The following PLCB3 variants were observed in gnomAD, a reference collection of about 807,000 sequenced individuals.
The protein encoded by PLCB3 is 1-phosphatidylinositol 4,5-bisphosphate phosphodiesterase beta-3.
A neutral mutation model predicts 152.1 loss-of-function variants in PLCB3; 54 were observed. The observed-to-expected ratio is 0.36, with a 90% CI of 0.29 to 0.45. The LOEUF is 0.45. Ranked by LOEUF, PLCB3 falls within the 20% of genes least tolerant of loss-of-function variation. The pLI, the probability that PLCB3 is intolerant of heterozygous loss-of-function variation, is 1.00. For missense variants in PLCB3, 1,248 were observed against 1,687.5 expected, an observed-to-expected ratio of 0.74 and a Z score of 4.56; for synonymous variants, 717 against 698.7, an observed-to-expected ratio of 1.03 and a Z score of -0.41.
In PLCB3 at chr11:64,254,895, C is replaced by T; in HGVS notation, c.247-3C>T. 1 of 1,609,200 alleles carries T rather than the reference C, an allele frequency of 6.2e-7. No individual in the cohort carries two copies. The highest frequency in any genetic ancestry group is 8.5e-7 in the Non-Finnish European group (1 of 1,176,766). On this transcript the variant is annotated splice_region_variant and splice_polypyrimidine_tract_variant and intron_variant, in intron 3 of 30. Transcript: ENST00000279230. ...TCTTCACCCTTCGCTGTCACCTACTCAGGACCCCAAGATCCGGGAAGTTCT... is the reference window on the plus strand; with the variant it reads ...TCTTCACCCTTCGCTGTCACCTACTTAGGACCCCAAGATCCGGGAAGTTCT...
At chr11:64,257,343 G>A (rs1029035699) in intron 10 of PLCB3, among the ~76,000 whole-genome samples, 3 of 152,216 alleles carry the variant, frequency 2.0e-5, no homozygotes, top group African/African-American at 2.4e-5. Context: ...GGTTGGGTGC[G>A]GTGACTCATG....
Position 64,267,577 on chromosome 11 carries a change from ACAGGGC to A in PLCB3, c.*28_*33del. The A allele has an allele frequency of 6.5e-7, 1 of 1,543,688 alleles. No homozygotes were observed. Among genetic ancestry groups the A allele is most frequent in the Non-Finnish European group, 8.7e-7 (1 of 1,148,170 alleles). ...TCTGAACTGGCTGAGCGAGGTGGCC[ACAGGGC>A]CAGGGCGGGCGCTGGGTGGAGGGCA... On this transcript the variant is annotated 3_prime_UTR_variant, in exon 31 of 31. Transcript: ENST00000279230. This position sits in a 1 kb window ranked among gnomAD's most constrained non-coding sequence, Gnocchi z 5.2.
chr11:64,252,059 C>T (rs2031237265), intron 1 of PLCB3, among the ~76,000 whole-genome samples: 1 of 152,110 alleles, frequency 6.6e-6, no homozygotes, highest in Non-Finnish European at 1.5e-5. Flanking sequence ...TTCTCGTTCC[C>T]CGATCCTGGC....
At chr11:64,257,827 G>A (rs2031619134) in intron 10 of PLCB3, among the ~76,000 whole-genome samples, 1 of 151,886 alleles carries the variant, frequency 6.6e-6, no homozygotes, top group African/African-American at 2.4e-5. Context: ...GATATGATAT[G>A]TTTTTAGAAG....
chr11:64,266,394 A>G lies in PLCB3; in HGVS notation c.3346A>G (p.Lys1116Glu). Residue 1116 changes from lysine (K) to glutamate (E), a missense_variant, in exon 28 of 31, where the codon AAG (lysine) becomes GAG (glutamate). Around this residue, in one of 6 missense-constraint regions of PLCB3, gnomAD observed 477 missense variants for 489.6 expected, o/e 0.97. Transcript: ENST00000279230. The surrounding 1 kb of genome is among the most constrained non-coding windows in gnomAD (Gnocchi z 4.9). ...GGAGGCCAAGATGAGGGACAAGCAT[A>G]AGAAGGAGGCGTAAGGGCACCGGGA... is the stretch of plus-strand genomic sequence containing the variant. ...ISEAKMRDKH[K>E]KEAELTEINR... 2.5e-6 allele frequency: 4 copies of G among 1,607,312 alleles called. No individual in the cohort carries two copies. The highest frequency in any genetic ancestry group is 3.4e-6 in the Non-Finnish European group (4 of 1,174,138).
In PLCB3 at chr11:64,267,745, A is replaced by AGGTTAGGGCCTT; in HGVS notation, c.*193_*204dup. 4 of 577,846 alleles carry AGGTTAGGGCCTT rather than the reference A, an allele frequency of 6.9e-6. No individual in the cohort carries two copies. Among genetic ancestry groups the AGGTTAGGGCCTT allele is most frequent in the Non-Finnish European group, 1.2e-5 (4 of 331,884 alleles). 35.8% of individuals were successfully genotyped at this position (577,846 alleles called of 1,614,324 possible). On this transcript the variant is annotated 3_prime_UTR_variant, in exon 31 of 31. Coordinates refer to ENST00000279230, the MANE Select transcript of PLCB3 (RefSeq NM_000932.5). This position sits in a 1 kb window ranked among gnomAD's most constrained non-coding sequence, Gnocchi z 5.2. ...GCCCCTCCTTCCTGCCCTCAGTCTT[A>AGGTTAGGGCCTT]GGTTAGGGCCTTGGTCAGGGCTTTG... is the stretch of plus-strand genomic sequence containing the variant.
chr11:64,254,547 C>T lies in PLCB3; in HGVS notation c.177+55C>T, dbSNP rs2031414527. ...AGGCCAAGGACCCCTGTCCCAGACC[C>T]CTGCCCTGCCCGTGGGGGTGGGGCC... On this transcript the variant is annotated intron_variant, in intron 2 of 30. Transcript: ENST00000279230. 7.7e-6 allele frequency: 12 copies of T among 1,552,230 alleles called. No individual in the cohort carries two copies. The South Asian group carries it at 1.1e-4, about 14-fold the overall frequency.
At chr11:64,261,866 G>C (rs2031869097) in intron 16 of PLCB3, 86 bp from the exon 17 acceptor site, 1 of 1,573,406 alleles carries the variant, frequency 6.4e-7, no homozygotes, top group African/African-American at 1.3e-5. Context: ...GGGTGTGGGG[G>C]TCACAGGAGC....
intron 1 of PLCB3, 90 bp from the exon 2 acceptor site, chr11:64,254,325 A>G (rs1467554659): frequency 1.9e-6 from 2 of 1,039,414 alleles, no homozygotes; most frequent in Non-Finnish European, 3.0e-6. Context: ...ATGGGCAGGA[A>G]CTCTGGGGTG....
Position 64,266,657 on chromosome 11 carries a change from AG to A in PLCB3, c.3414+108del, listed in dbSNP as rs1222317239. The A allele has an allele frequency of 8.9e-7, 1 of 1,124,170 alleles. No individual in the cohort carries two copies. Among genetic ancestry groups the A allele is most frequent in the Non-Finnish European group, 1.3e-6 (1 of 746,590 alleles). 69.6% of individuals were successfully genotyped at this position (1,124,170 alleles called of 1,614,324 possible). Reference sequence around the variant, plus strand: ...GCCACGTTGCCCTCAAGGTTCTTCTAGGGCCTTTCTCAAGTGCCCAACAGCC... The same window carrying A: ...GCCACGTTGCCCTCAAGGTTCTTCTAGGCCTTTCTCAAGTGCCCAACAGCC... On this transcript the variant is annotated intron_variant, in intron 29 of 30. Transcript: ENST00000279230. The surrounding 1 kb of genome is among the most constrained non-coding windows in gnomAD (Gnocchi z 4.9).
chr11:64,261,271 C>G, intron 14 of PLCB3, 129 bp from the exon 15 acceptor site: 1 of 728,194 alleles, frequency 1.4e-6, no homozygotes, highest in South Asian at 1.5e-5. Context: ...GGGGAGAAGA[C>G]TGTCGGCACC....
In PLCB3 at chr11:64,263,692, A is replaced by G. The variant is rs367714138; in HGVS notation, c.2457A>G (p.Gly819=). Residue 819 remains glycine, a splice_region_variant and synonymous_variant, in exon 21 of 31, where the codon GGA becomes GGG. Transcript: ENST00000279230. ...AACGTTGCCTTCCTGACCACCCAGG[A>G]TACCACTACGTCTGCCTGCGGAACG... The part of the protein sequence containing the change: ...RILPVSAIRS[G]YHYVCLRNEA... The G allele has an allele frequency of 1.7e-5, 27 of 1,613,246 alleles. No homozygotes were observed. Among genetic ancestry groups the G allele is most frequent in the Non-Finnish European group, 2.0e-5 (24 of 1,179,794 alleles).
intron 10 of PLCB3, among the ~76,000 whole-genome samples, chr11:64,257,016 T>TTTTTTGTTTTTTTTTTTTTTTTTTTTTTC (rs2031574155): frequency 8.3e-6 from 1 of 120,590 alleles, no homozygotes; most frequent in Non-Finnish European, 1.8e-5. Flanking sequence ...TTTTTTTTTT[T>TTTTTTGTTTTTTTTTTTTTTTTTTTTTTC]TTTTTGAGAC....
intron 1 of PLCB3, among the ~76,000 whole-genome samples, chr11:64,252,994 G>GC (rs1426592046): frequency 6.6e-6 from 1 of 152,234 alleles, no homozygotes; most frequent in Admixed American, 6.5e-5. Flanking sequence ...CCGGAGAAGT[G>GC]CTGGGGCTGG....
In PLCB3 at chr11:64,255,955, G is replaced by A. The variant is rs1194571594; in HGVS notation, c.698+134G>A. On this transcript the variant is annotated intron_variant, in intron 8 of 30. Transcript: ENST00000279230. The surrounding 1 kb of genome is among the most constrained non-coding windows in gnomAD (Gnocchi z 6.8). ...GCGCCAGGGGGCGGAGGGGTGCCCAGGGAGAACCTGTCGGTGATGTTCCTG... is the reference window on the plus strand; with the variant it reads ...GCGCCAGGGGGCGGAGGGGTGCCCAAGGAGAACCTGTCGGTGATGTTCCTG... 2.9e-6 allele frequency: 2 copies of A among 687,230 alleles called. No individual in the cohort carries two copies. Among genetic ancestry groups the A allele is most frequent in the African/African-American group, 3.5e-5 (2 of 56,722 alleles). 42.6% of individuals were successfully genotyped at this position (687,230 alleles called of 1,614,324 possible).
rs753104189 is a variant in PLCB3 at position 64,262,816 on chromosome 11, T to C, written c.2355+8T>C. 1.2e-6 allele frequency: 2 copies of C among 1,611,910 alleles called. No individual in the cohort carries two copies. Among genetic ancestry groups the C allele is most frequent in the South Asian group, 2.2e-5 (2 of 91,054 alleles). On this transcript the variant is annotated splice_region_variant and intron_variant, in intron 19 of 30. Transcript: ENST00000279230. ...CCCTTCGACTTCCCCAAGGTGAGCC[T>C]GGCCCCTGCACCCGCCCAGGCACAG...
intron 22 of PLCB3, 77 bp from the exon 23 acceptor site, chr11:64,264,874 C>G (rs2032029982): frequency 1.1e-5 from 16 of 1,449,364 alleles, no homozygotes; most frequent in Non-Finnish European, 1.5e-5. Context: ...TGCTAGGGGA[C>G]CCAGGAGGTG....
intron 10 of PLCB3, among the ~76,000 whole-genome samples, chr11:64,256,997 CTTTTTTT>C (rs5792316): frequency 1.1e-4 from 7 of 61,588 alleles, no homozygotes; most frequent in African/African-American, 4.7e-4. Flanking sequence ...CTTCAGGGTC[CTTTTTTT>C]TTTTTTTTTT....
Position 64,267,211 on chromosome 11 carries a change from T to C in PLCB3, c.3441T>C (p.His1147=). Residue 1147 remains histidine (H), a synonymous_variant, in exon 30 of 31, where the codon CAT becomes CAC. Transcript: ENST00000279230. The surrounding 1 kb of genome is among the most constrained non-coding windows in gnomAD (Gnocchi z 5.2). The stretch of plus-strand genomic sequence containing the variant: ...TGGAGGAGGCCCAGAAGCAGCGGCA[T>C]GACCGTCTTGTGGCTGGGCAGCAGC... ...RRLEEAQKQR[H]DRLVAGQQQV... 1 of 1,550,522 alleles carries C rather than the reference T, an allele frequency of 6.4e-7. No individual in the cohort carries two copies. Among genetic ancestry groups the C allele is most frequent in the Non-Finnish European group, 8.7e-7 (1 of 1,146,980 alleles).
Sources: allele counts gnomAD v4.1 joint callset (sites outside exome capture counted in the v4.1 genomes callset), GRCh38; gene constraint gnomAD v4.1.1; regional missense constraint gnomAD v4.1.1; non-coding constraint Gnocchi (gnomAD v3.1); transcripts MANE v1.5; gene names NCBI Gene and HGNC (gene_info 2026-07-23, HGNC 2026-07-21).